LMNB2: variants seen among roughly 807,000 people sequenced by gnomAD.
LMNB2 encodes the protein lamin B2, also known as lamin-B2.
LMNB2 carries 17 observed loss-of-function variants against 69.3 expected under a neutral mutation model. The observed-to-expected ratio is 0.25, with a 90% CI of 0.17 to 0.37. LMNB2 has a LOEUF of 0.37. Among genes scored for constraint, LMNB2 ranks in the 10% least tolerant of loss-of-function variants. The probability of loss-of-function intolerance (pLI) is 1.00; values close to 1 mark genes in which losing one functional copy is unlikely to be tolerated. For synonymous variants in LMNB2, 397 were observed against 389.3 expected (o/e 1.02, Z -0.23); for missense variants, 789 against 883.6 (o/e 0.89, Z 1.36).
rs942589792 is a variant in LMNB2 at position 2,453,317 on chromosome 19, G to A, written c.264+3353C>T. Among the ~76,000 whole-genome samples the A allele has an allele frequency of 3.9e-5, 6 of 151,982 alleles. No individual in the cohort carries two copies. Among genetic ancestry groups the A allele is most frequent in the African/African-American group, 1.5e-4 (6 of 41,358 alleles). On this transcript the variant is annotated intron_variant, in intron 1 of 11. Coordinates refer to ENST00000325327, the MANE Select transcript of LMNB2 (RefSeq NM_032737.4). The surrounding 1 kb of genome is among the most constrained non-coding windows in gnomAD (Gnocchi z 4.4). Reference sequence around the variant, plus strand: ...GGCCTGACACCCCAGGTCCCTCCTCGTTCAGAGCTCCCTCCCCTGCCCCCA... The same window carrying A: ...GGCCTGACACCCCAGGTCCCTCCTCATTCAGAGCTCCCTCCCCTGCCCCCA...
intron 1 of LMNB2, among the ~76,000 whole-genome samples, chr19:2,455,314 C>T (rs1390497385): frequency 6.6e-6 from 1 of 151,856 alleles, no homozygotes; most frequent in African/African-American, 2.4e-5. Flanking sequence ...CCTGGGCCCC[C>T]CAGTCTCCTT....
rs560610949 is a variant in LMNB2, at chr19:2,447,350, CA to C, written c.265-2811del. On this transcript the variant is annotated intron_variant, in intron 1 of 11. Transcript: ENST00000325327. The surrounding 1 kb of genome is among the most constrained non-coding windows in gnomAD (Gnocchi z 4.4). Reference sequence around the variant, plus strand: ...GCCACACAGTGTGTAATCCCATTTCCATGAAATGTCCAGGTCAGGCCAGTGC... The same window carrying C: ...GCCACACAGTGTGTAATCCCATTTCCTGAAATGTCCAGGTCAGGCCAGTGC... Among the ~76,000 whole-genome samples, 55 of 152,158 alleles carry C rather than the reference CA, an allele frequency of 3.6e-4. No homozygotes were observed. Among genetic ancestry groups the C allele is most frequent in the African/African-American group, 1.3e-3 (55 of 41,494 alleles).
chr19:2,456,922 C>T lies in LMNB2; in HGVS notation c.12G>A (p.Pro4=). MSP[P]SPGRRREQRR... ...GCTGCTCCCGACGGCGGCCCGGGCT[C>T]GGCGGGCTCATTCAATCCGCGCCGC... Residue 4 remains proline (P), a synonymous_variant, in exon 1 of 12, where the codon CCG becomes CCA. Transcript: ENST00000325327. 1.1e-5 allele frequency: 11 copies of T among 994,774 alleles called. No homozygotes were observed. The highest frequency in any genetic ancestry group is 1.3e-5 in the Non-Finnish European group (11 of 837,930). 61.6% of individuals were successfully genotyped at this position (994,774 alleles called of 1,614,324 possible).
chr19:2,455,782 C>T (rs1361630705), intron 1 of LMNB2, among the ~76,000 whole-genome samples: 1 of 151,864 alleles, frequency 6.6e-6, no homozygotes, highest in East Asian at 1.9e-4. Flanking sequence ...GTGGGCAGGG[C>T]CTGCCCAGGT....
chr19:2,453,709 C>A lies in LMNB2; in HGVS notation c.264+2961G>T, dbSNP rs1737420818. 6.6e-6 allele frequency among the ~76,000 whole-genome samples: 1 copy of A among 152,168 alleles called. No individual in the cohort carries two copies. The highest frequency in any genetic ancestry group is 6.5e-5 in the Admixed American group (1 of 15,272). ...ATGCTGCTGCGGCCCCGAGAGGTGG[C>A]TGGGCCAGGCTCCCTCTAGGGCACA... On this transcript the variant is annotated intron_variant, in intron 1 of 11. Coordinates refer to ENST00000325327, the MANE Select transcript of LMNB2 (RefSeq NM_032737.4). The surrounding 1 kb of genome is among the most constrained non-coding windows in gnomAD (Gnocchi z 4.4).
At chr19:2,451,927 C>T (rs1474097020) in intron 1 of LMNB2, among the ~76,000 whole-genome samples, 2 of 151,870 alleles carry the variant, frequency 1.3e-5, no homozygotes, top group African/African-American at 2.4e-5. Context: ...CAGGGGACAC[C>T]GGGGCAGGGG....
rs771415464 is a variant in LMNB2, at chr19:2,433,888, C to A, written c.1420G>T (p.Val474Phe). Residue 474 changes from valine (V) to phenylalanine (F), a missense_variant, in exon 8 of 12, where the codon GTC (valine) becomes TTC (phenylalanine). Physicochemically the swap from Val to Phe is conservative, Grantham distance 50. Around this residue, in one of 3 missense-constraint regions of LMNB2, gnomAD observed 609 missense variants for 630.9 expected, o/e 0.97. Transcript: ENST00000325327. ...TCCAGGTCGATCTCCTCGATGCTGA[C>A]GCTACCCGAGGCCGAGGCCTGCTGG... Reference protein sequence around the residue: ...LAQQASASGSVSIEEIDLEGK... With the variant: ...LAQQASASGSFSIEEIDLEGK... The A allele has an allele frequency of 6.2e-7, 1 of 1,612,652 alleles. No homozygotes were observed. The highest frequency in any genetic ancestry group is 2.2e-5 in the East Asian group (1 of 44,854).
chr19:2,452,226 C>T (rs1972029956), intron 1 of LMNB2, among the ~76,000 whole-genome samples: 1 of 152,164 alleles, frequency 6.6e-6, no homozygotes, highest in Non-Finnish European at 1.5e-5. Flanking sequence ...CCATGCTTGG[C>T]CTGGTTTTGT....
chr19:2,434,633 C>A, intron 6 of LMNB2, 118 bp from the exon 7 acceptor site: 1 of 1,499,296 alleles, frequency 6.7e-7, no homozygotes. Context: ...CAGGCCTGGG[C>A]ATGGGGCGCA....
intron 2 of LMNB2, among the ~76,000 whole-genome samples, chr19:2,441,402 G>A (rs1971899045): frequency 1.3e-5 from 2 of 152,254 alleles, no homozygotes; most frequent in South Asian, 4.1e-4. Flanking sequence ...ATGCACCCCT[G>A]TCCGCAGCCC....
intron 1 of LMNB2, among the ~76,000 whole-genome samples, chr19:2,445,071 G>A (rs748364992): frequency 6.6e-6 from 1 of 152,074 alleles, no homozygotes; most frequent in African/African-American, 2.4e-5. Context: ...GATCTCTCCC[G>A]CTGGGCACCA....
At chr19:2,439,444 G>T (rs1301877001) in intron 2 of LMNB2, among the ~76,000 whole-genome samples, 4 of 152,106 alleles carry the variant, frequency 2.6e-5, no homozygotes, top group Admixed American at 6.5e-5. Flanking sequence ...GGTGGTCCTA[G>T]GCACTGCAGG....
At chr19:2,431,405 C>T in intron 11 of LMNB2, 143 bp downstream of exon 11, 1 of 1,064,730 alleles carries the variant, frequency 9.4e-7, no homozygotes, top group South Asian at 1.3e-5. Context: ...CTGGTAACAG[C>T]CAAGGCTGGC....
chr19:2,429,786 C>A lies in LMNB2; in HGVS notation c.*1125G>T, dbSNP rs1971713089. ...TGACCAATGTAAAAAAATAAATATC[C>A]ATTAAAAAAATAACTTCTGTGTATC... On this transcript the variant is annotated 3_prime_UTR_variant, in exon 12 of 12. Coordinates refer to ENST00000325327, the MANE Select transcript of LMNB2 (RefSeq NM_032737.4). 6.6e-6 allele frequency: 1 copy of A among 152,160 alleles called. No homozygotes were observed. The highest frequency in any genetic ancestry group is 2.1e-4 in the South Asian group (1 of 4,826). 9.4% of individuals were successfully genotyped at this position (152,160 alleles called of 1,614,324 possible). A position where few individuals can be genotyped will look rare whatever the true frequency, so the allele number is the denominator to read the frequency against.
chr19:2,434,964 C>T, intron 5 of LMNB2, 37 bp downstream of exon 5: 1 of 1,588,240 alleles, frequency 6.3e-7, no homozygotes, highest in Non-Finnish European at 8.5e-7. Context: ...GCGGGGTTCC[C>T]ACCGGCCGCC....
chr19:2,452,880 A>C (rs1972041442), intron 1 of LMNB2, among the ~76,000 whole-genome samples: 1 of 149,718 alleles, frequency 6.7e-6, no homozygotes. Context: ...GGGCCGTGTT[A>C]CCCTCATGGA....
chr19:2,440,741 T>TCC (rs1315123550), intron 2 of LMNB2, among the ~76,000 whole-genome samples: 48 of 151,582 alleles, frequency 3.2e-4, no homozygotes, highest in African/African-American at 1.1e-3. Context: ...TCCATCCATC[T>TCC]ATCCACTCAT....
intron 1 of LMNB2, among the ~76,000 whole-genome samples, chr19:2,450,804 G>C (rs1046016653): frequency 2.0e-5 from 3 of 151,212 alleles, no homozygotes; most frequent in African/African-American, 4.8e-5. Context: ...GCTAATTTTT[G>C]TATTTTTAGT....
chr19:2,434,226 G>A lies in LMNB2; in HGVS notation c.1202+69C>T, dbSNP rs995682052. The A allele has an allele frequency of 2.5e-5, 38 of 1,506,142 alleles. No homozygotes were observed. In the African/African-American group the frequency reaches 3.1e-4, roughly 12 times the overall value. The allele number at this position is 1,506,142 out of a possible 1,614,324, so 93.3% of individuals were successfully genotyped here. On this transcript the variant is annotated intron_variant, in intron 7 of 11. Transcript: ENST00000325327. ...CCTGCCCAGCACTCCCCGCAGCCCC[G>A]TCCCGCCTCTCCTCCTGCCCTGCCC...
Sources: allele counts gnomAD v4.1 joint callset (sites outside exome capture counted in the v4.1 genomes callset), GRCh38; gene constraint gnomAD v4.1.1; regional missense constraint gnomAD v4.1.1; non-coding constraint Gnocchi (gnomAD v3.1); transcripts MANE v1.5; gene names NCBI Gene and HGNC (gene_info 2026-07-23, HGNC 2026-07-21).